Variants in EML6 observed in about 807,000 individuals in gnomAD.
EML6 encodes the protein echinoderm microtubule-associated protein-like 6.
Under a neutral mutation model 240.1 loss-of-function variants are expected in EML6, and 154 were observed. The ratio of observed to expected loss-of-function variants is 0.64; its 90% CI spans 0.56 to 0.73. EML6 has a LOEUF of 0.73. Ranked by LOEUF, EML6 falls within the 30% of genes least tolerant of loss-of-function variation. EML6 has a pLI of 0.00. For synonymous variants in EML6, 1,148 were observed against 899.0 expected (o/e 1.28, Z -4.95); for missense variants, 2,964 against 2,474.6 (o/e 1.20, Z -4.20).
At chr2:54,964,932 T>C (rs576251081) in intron 38 of EML6, among the ~76,000 whole-genome samples, 199 bp downstream of exon 38, 6 of 152,256 alleles carry the variant, frequency 3.9e-5, no homozygotes, top group African/African-American at 1.2e-4. Context: ...GTGGAGGAAA[T>C]AGAATTTAAA....
At chr2:54,745,480 C>T (rs1683872057) in intron 2 of EML6, among the ~76,000 whole-genome samples, 3 of 152,102 alleles carry the variant, frequency 2.0e-5, no homozygotes. Flanking sequence ...TGAAAAGGCA[C>T]AAGACCTTAA....
chr2:54,927,122 G>T (rs898796615), intron 26 of EML6, among the ~76,000 whole-genome samples: 1 of 152,216 alleles, frequency 6.6e-6, no homozygotes, highest in Admixed American at 6.5e-5. Flanking sequence ...CTGCCTATTT[G>T]CTAGCAAACT....
chr2:54,745,828 T>G (rs978253388), intron 2 of EML6, among the ~76,000 whole-genome samples: 4 of 152,052 alleles, frequency 2.6e-5, no homozygotes, highest in Non-Finnish European at 5.9e-5. Flanking sequence ...ATCCTTCCCT[T>G]TAACTACTGA....
chr2:54,838,256 T>A (rs1417397230), intron 7 of EML6, among the ~76,000 whole-genome samples: 1 of 152,220 alleles, frequency 6.6e-6, no homozygotes, highest in African/African-American at 2.4e-5. Context: ...GTGAACTTAA[T>A]AGAAAGATCC....
chr2:54,872,852 T>G (rs573835358), intron 16 of EML6, among the ~76,000 whole-genome samples: 2 of 152,322 alleles, frequency 1.3e-5, no homozygotes, highest in East Asian at 3.9e-4. Context: ...AAATAACCTG[T>G]CCTTTTTTGT....
chr2:54,850,345 G>C (rs946667766), intron 10 of EML6, 127 bp downstream of exon 10: 18 of 779,560 alleles, frequency 2.3e-5, no homozygotes, highest in Non-Finnish European at 3.6e-5. Context: ...TTGCCGGAAA[G>C]CACCCCCACC....
chr2:54,928,450 G>T lies in EML6; in HGVS notation c.3813G>T (p.Val1271=). ...TALMIWTREF[V]GTQESKLVDS... is the part of the protein sequence containing the mutation. ...TGATGATCTGGACCAGGGAGTTTGT[G>T]GGGACCCAGGAGAGCAAGCTGGTGG... The change falls in exon 27 of 42, where the codon GTG becomes GTT. Residue 1271 remains valine, a synonymous_variant. Transcript: ENST00000356458. The T allele has an allele frequency of 3.2e-6, 5 of 1,550,582 alleles. No individual in the cohort carries two copies. Among genetic ancestry groups the T allele is most frequent in the Non-Finnish European group, 4.4e-6 (5 of 1,146,310 alleles).
At position 54,960,093 on chromosome 2, in the gene EML6, A is replaced by AG. The variant is rs1190542529; in HGVS notation, c.4854-124dup. 6.3e-5 allele frequency: 43 copies of AG among 687,166 alleles called. No individual in the cohort carries two copies. The African/African-American group carries it at 7.1e-4, about 11-fold the overall frequency. The allele number at this position is 687,166 out of a possible 1,614,324, so 42.6% of individuals were successfully genotyped here. On this transcript the variant is annotated intron_variant, in intron 34 of 41. Coordinates refer to ENST00000356458, the MANE Select transcript of EML6 (RefSeq NM_001039753.4). ...GCTGCCTGGAGGGTCTGGACCCTGG[A>AG]GGGTCTTTCCTTCTGGGCCCCAACT...
intron 2 of EML6, among the ~76,000 whole-genome samples, chr2:54,754,982 G>T (rs1010123047): frequency 2.6e-5 from 4 of 152,224 alleles, no homozygotes; most frequent in South Asian, 2.1e-4. Flanking sequence ...GTAGCTAGTG[G>T]TTACCACAAT....
At chr2:54,922,257 C>T (rs573361047) in intron 26 of EML6, among the ~76,000 whole-genome samples, 3 of 152,126 alleles carry the variant, frequency 2.0e-5, no homozygotes, top group East Asian at 1.9e-4. Flanking sequence ...CTTGAATAGA[C>T]ATTTCTCCAA....
chr2:54,905,321 GACACACAC>G (rs70944194), intron 24 of EML6, among the ~76,000 whole-genome samples: 10,022 of 121,558 alleles, frequency 0.082, 488 homozygotes, highest in East Asian at 0.11. Context: ...TTTAGAATCC[GACACACAC>G]ACACACACAC....
At chr2:54,828,833 TAACAA>T (rs1572963507) in intron 6 of EML6, among the ~76,000 whole-genome samples, 2 of 152,264 alleles carry the variant, frequency 1.3e-5, no homozygotes, top group East Asian at 3.8e-4. Flanking sequence ...AAACGATGCT[TAACAA>T]GCGAACACAA....
intron 5 of EML6, among the ~76,000 whole-genome samples, chr2:54,820,745 G>A (rs140114131): frequency 6.6e-6 from 1 of 152,100 alleles, no homozygotes; most frequent in African/African-American, 2.4e-5. Flanking sequence ...ATACTTGTGG[G>A]ATTGCATGTT....
At chr2:54,750,392 A>G (rs1684106549) in intron 2 of EML6, among the ~76,000 whole-genome samples, 1 of 152,210 alleles carries the variant, frequency 6.6e-6, no homozygotes, top group African/African-American at 2.4e-5. Flanking sequence ...GTGAGCAGTT[A>G]GCTTATTGGC....
chr2:54,911,164 C>A, intron 25 of EML6, 122 bp downstream of exon 25: 3 of 551,058 alleles, frequency 5.4e-6, no homozygotes, highest in Non-Finnish European at 9.8e-6. Flanking sequence ...TAAGTTTGAT[C>A]GTGTCTTCAA....
chr2:54,729,522 C>G (rs1387241510), intron 2 of EML6, among the ~76,000 whole-genome samples: 1 of 152,200 alleles, frequency 6.6e-6, no homozygotes, highest in Non-Finnish European at 1.5e-5. Context: ...GAGATAGGCA[C>G]TGTTGCTAAC....
At chr2:54,922,109 T>C (rs1379491354) in intron 26 of EML6, among the ~76,000 whole-genome samples, 3 of 151,834 alleles carry the variant, frequency 2.0e-5, no homozygotes, top group Non-Finnish European at 4.4e-5. Flanking sequence ...AATGAAACAA[T>C]CAACAAAATG....
At chr2:54,923,367 GCACA>G (rs113101367) in intron 26 of EML6, among the ~76,000 whole-genome samples, 50,374 of 144,292 alleles carry the variant, frequency 0.35, 8,863 homozygotes, top group East Asian at 0.64. Context: ...CTCACCAAAC[GCACA>G]CACACACACA....
rs145440148 is a variant in EML6 at position 54,803,911 on chromosome 2, G to C, written c.198-9321G>C. 2.5e-3 allele frequency among the ~76,000 whole-genome samples: 386 copies of C among 152,344 alleles called. 3 individuals carry two copies. The highest frequency in any genetic ancestry group is 8.7e-3 in the African/African-American group (361 of 41,576). ...CGGGCACCATCTGAGATGTTTGACA[G>C]AACATTCTGAGGAAATGGAAATGAT... On this transcript the variant is annotated intron_variant, in intron 2 of 41. Transcript: ENST00000356458.
Sources: allele counts gnomAD v4.1 joint callset (sites outside exome capture counted in the v4.1 genomes callset), GRCh38; gene constraint gnomAD v4.1.1; transcripts MANE v1.5; gene names NCBI Gene and HGNC (gene_info 2026-07-23, HGNC 2026-07-21).